MRPS5: variants seen among roughly 807,000 people sequenced by gnomAD.
The protein encoded by MRPS5 is small ribosomal subunit protein uS5m.
In MRPS5, 27 loss-of-function variants were observed where a neutral mutation model predicts 51.9. The ratio of observed to expected loss-of-function variants is 0.52; its 90% CI spans 0.38 to 0.72. MRPS5 has a LOEUF of 0.72. MRPS5 is among the 30% of genes least tolerant of loss of function. The pLI is 0.00. For missense variants in MRPS5, 570 were observed against 545.7 expected (o/e 1.04, Z -0.44); for synonymous variants, 196 against 193.2 (o/e 1.01, Z -0.12).
At chr2:95,098,777 T>C (rs1675706322) in intron 10 of MRPS5, among the ~76,000 whole-genome samples, 1 of 152,040 alleles carries the variant, frequency 6.6e-6, no homozygotes, top group Non-Finnish European at 1.5e-5. Context: ...GCGTGACACA[T>C]GGATACCTAT....
In MRPS5 at chr2:95,117,948, G is replaced by A; in HGVS notation, c.59-3C>T. The A allele has an allele frequency of 6.3e-7, 1 of 1,585,178 alleles. No homozygotes were observed. Among genetic ancestry groups the A allele is most frequent in the Admixed American group, 2.0e-5 (1 of 50,932 alleles). On this transcript the variant is annotated splice_polypyrimidine_tract_variant and splice_region_variant and intron_variant, in intron 1 of 11. Transcript: ENST00000272418. The stretch of plus-strand genomic sequence containing the variant: ...ACACTGCCTCCCCAATAAATGACCT[G>A]CAAATTGGAAAAAAAAAAATTTAAG...
At chr2:95,104,402 C>T in intron 7 of MRPS5, 1 of 535,564 alleles carries the variant, frequency 1.9e-6, no homozygotes. Context: ...TGTCTTCAGC[C>T]TTTTATAATA....
At chr2:95,108,688 A>G (rs1031342882) in intron 4 of MRPS5, among the ~76,000 whole-genome samples, 3 of 152,210 alleles carry the variant, frequency 2.0e-5, no homozygotes, top group African/African-American at 7.2e-5. Flanking sequence ...CAACTAATAC[A>G]AATGTCCAGC....
chr2:95,121,955 A>C, upstream of MRPS5: 1 of 795,954 alleles, frequency 1.3e-6, no homozygotes, highest in Non-Finnish European at 1.8e-6. Context: ...CGGACGGGCC[A>C]CACTGCAGGC....
intron 1 of MRPS5, among the ~76,000 whole-genome samples, chr2:95,119,993 A>T (rs570641110): frequency 6.6e-6 from 1 of 152,060 alleles, no homozygotes; most frequent in East Asian, 2.0e-4. Context: ...AGCCCAGGAG[A>T]TGGAGGCTGC....
chr2:95,095,871 G>T (rs1435112528), intron 10 of MRPS5, among the ~76,000 whole-genome samples: 1 of 152,002 alleles, frequency 6.6e-6, no homozygotes, highest in African/African-American at 2.4e-5. Context: ...AGCACTGAAG[G>T]AAACAGACAC....
intron 2 of MRPS5, among the ~76,000 whole-genome samples, chr2:95,117,060 G>A (rs1476115893): frequency 1.3e-5 from 2 of 151,820 alleles, no homozygotes; most frequent in Non-Finnish European, 2.9e-5. Context: ...AGAATCGCTT[G>A]AACCCAGGAG....
intron 2 of MRPS5, among the ~76,000 whole-genome samples, chr2:95,116,686 GA>G (rs1450120295): frequency 6.6e-6 from 1 of 152,122 alleles, no homozygotes; most frequent in African/African-American, 2.4e-5. Flanking sequence ...AATTGCCCTG[GA>G]ATCCAAAATG....
At chr2:95,097,857 TTAAAC>T (rs1206309503) in intron 10 of MRPS5, among the ~76,000 whole-genome samples, 3 of 152,176 alleles carry the variant, frequency 2.0e-5, no homozygotes, top group African/African-American at 7.2e-5. Flanking sequence ...TGGGATCTAA[TTAAAC>T]TAAAGAGCTT....
Position 95,101,722 on chromosome 2 carries a change from AC to A in MRPS5, c.764del (p.Gly255ValfsTer28). 6.3e-7 allele frequency: 1 copy of A among 1,594,842 alleles called. No individual in the cohort carries two copies. The highest frequency in any genetic ancestry group is 8.5e-7 in the Non-Finnish European group (1 of 1,174,764). On this transcript the variant is annotated frameshift_variant and splice_region_variant, in exon 8 of 12. Coordinates refer to ENST00000272418, the MANE Select transcript of MRPS5 (RefSeq NM_031902.5). LOFTEE classifies it high-confidence loss of function. ...VAVGNGKGAA[G>X]FSIGKATDRM... ...GATCAGTAGCTTTCCCAATAGAAAA[AC>A]CTTTAAACAAAAAAGCAAAAATAAG... is the stretch of plus-strand genomic sequence containing the variant.
At chr2:95,092,585 T>C (rs552531663) in intron 10 of MRPS5, 1 of 152,368 alleles carries the variant, frequency 6.6e-6, no homozygotes, top group South Asian at 2.1e-4. Flanking sequence ...TATTATATAC[T>C]GTTTTAGCTT....
chr2:95,101,240 CG>C (rs1244378000), intron 8 of MRPS5, among the ~76,000 whole-genome samples: 2 of 151,852 alleles, frequency 1.3e-5, no homozygotes, highest in African/African-American at 4.8e-5. Context: ...AAAAGTTAGC[CG>C]GGTGTGGTGG....
chr2:95,121,705 G>C (rs1397266118), intron 1 of MRPS5, 29 bp downstream of exon 1: 3 of 1,528,064 alleles, frequency 2.0e-6, no homozygotes, highest in South Asian at 1.2e-5. Context: ...CCCGCTCAGA[G>C]CCCCTGCTCC....
Position 95,090,472 on chromosome 2 carries a change from C to A in MRPS5, c.982G>T (p.Gly328Cys). 1 of 1,614,092 alleles carries A rather than the reference C, an allele frequency of 6.2e-7. No individual in the cohort carries two copies. Residue 328 changes from glycine to cysteine, a missense_variant, in exon 11 of 12, where the codon GGC (glycine) becomes TGC (cysteine). Transcript: ENST00000272418. ...ACCTTGGCATACATGTCTTTGATGC[C>A]AATGAGCCGGCAGATGGTGATGATG... ...RAIITICRLI[G>C]IKDMYAKVSG...
In MRPS5 at chr2:95,101,694, T is replaced by C. The variant is rs1675807436; in HGVS notation, c.793A>G (p.Met265Val). 6.2e-7 allele frequency: 1 copy of C among 1,600,564 alleles called. No individual in the cohort carries two copies. Among genetic ancestry groups the C allele is most frequent in the South Asian group, 1.1e-5 (1 of 87,790 alleles). Residue 265 changes from methionine (M) to valine (V), a missense_variant, in exon 8 of 12, where the codon ATG becomes GTG. Met to Val is a conservative substitution (Grantham distance 21, BLOSUM62 1). Coordinates refer to ENST00000272418, the MANE Select transcript of MRPS5 (RefSeq NM_031902.5). ...GFSIGKATDR[M>V]DAFRKAKNRA... ...GTACATACTTTCCTGAAAGCATCCA[T>C]CCGATCAGTAGCTTTCCCAATAGAA...
intron 2 of MRPS5, among the ~76,000 whole-genome samples, 180 bp from the exon 3 acceptor site, chr2:95,115,383 C>T (rs759163438): frequency 6.6e-6 from 1 of 152,106 alleles, no homozygotes; most frequent in Non-Finnish European, 1.5e-5. Context: ...ACCTAAATGC[C>T]CAGCCTAGTT....
intron 10 of MRPS5, among the ~76,000 whole-genome samples, chr2:95,096,749 A>C (rs1474636339): frequency 6.6e-6 from 1 of 152,190 alleles, no homozygotes; most frequent in Non-Finnish European, 1.5e-5. Context: ...ATGGGCAAAA[A>C]CTGGAAGCAT....
chr2:95,112,021 T>G (rs1239209174), intron 3 of MRPS5, among the ~76,000 whole-genome samples: 3 of 152,204 alleles, frequency 2.0e-5, no homozygotes, highest in Non-Finnish European at 4.4e-5. Context: ...AAGGGTGCAG[T>G]TAGGTTAATA....
chr2:95,121,990 C>T, upstream of MRPS5: 1 of 570,082 alleles, frequency 1.8e-6, no homozygotes, highest in Non-Finnish European at 2.8e-6. Context: ...CCGCGGACAG[C>T]CCCGCGGGCG....
Sources: allele counts gnomAD v4.1 joint callset (sites outside exome capture counted in the v4.1 genomes callset), GRCh38; gene constraint gnomAD v4.1.1; transcripts MANE v1.5; gene names NCBI Gene and HGNC (gene_info 2026-07-23, HGNC 2026-07-21).